OTOA: variants seen among roughly 807,000 people sequenced by gnomAD.
OTOA encodes cancer/testis antigen 108.
OTOA carries 70 observed loss-of-function variants against 110.8 expected under a neutral mutation model. The ratio of observed to expected loss-of-function variants is 0.63; its 90% CI spans 0.52 to 0.77. The LOEUF is 0.77. OTOA is among the 30% of genes least tolerant of loss of function. The probability of loss-of-function intolerance (pLI) is 0.00; values close to 1 mark genes in which losing one functional copy is unlikely to be tolerated. For synonymous variants in OTOA, 373 were observed against 431.5 expected (o/e 0.86, Z 1.68); for missense variants, 917 against 1,075.8 (o/e 0.85, Z 2.06).
rs975051042 is a variant in OTOA at position 21,760,641 on chromosome 16, C to A, written c.*101C>A. 2.4e-5 allele frequency: 26 copies of A among 1,069,870 alleles called. No individual in the cohort carries two copies. In the Admixed American group the frequency reaches 3.7e-4, roughly 15 times the overall value. The allele number at this position is 1,069,870 out of a possible 1,614,324, so 66.3% of individuals were successfully genotyped here. The stretch of plus-strand genomic sequence containing the variant: ...GGGACACCCTTCCCTGGATCCAGAC[C>A]CTCATCTAGGGCAGGGAAACCCTGG... On this transcript the variant is annotated 3_prime_UTR_variant, in exon 29 of 29. Coordinates refer to ENST00000646100, the MANE Select transcript of OTOA (RefSeq NM_144672.4).
At chr16:21,681,702 T>C (rs1391314982) in intron 5 of OTOA, 36 bp from the exon 6 acceptor site, 2 of 1,561,156 alleles carry the variant, frequency 1.3e-6, no homozygotes, top group Admixed American at 1.7e-5. Context: ...GGAGAATCTG[T>C]CATTGTGATC....
chr16:21,726,509 C>G lies in OTOA; in HGVS notation c.1881-14C>G, dbSNP rs202097242. 6 of 1,613,016 alleles carry G rather than the reference C, an allele frequency of 3.7e-6. No individual in the cohort carries two copies. Among genetic ancestry groups the G allele is most frequent in the Non-Finnish European group, 5.1e-6 (6 of 1,179,988 alleles). ...CCATGTGTTCCTCCTCTTGTTCTCC[C>G]CATCTCTCTCCAGGGCCCGCTACCT... On this transcript the variant is annotated splice_polypyrimidine_tract_variant and intron_variant, in intron 18 of 28. Coordinates refer to ENST00000646100, the MANE Select transcript of OTOA (RefSeq NM_144672.4).
At chr16:21,703,760 T>A (rs913041685) in intron 11 of OTOA, among the ~76,000 whole-genome samples, 1 of 152,174 alleles carries the variant, frequency 6.6e-6, no homozygotes, top group Non-Finnish European at 1.5e-5. Context: ...AGGCTGACTG[T>A]GGTCAACTAG....
At chr16:21,729,234 A>G (rs1009415837) in intron 20 of OTOA, among the ~76,000 whole-genome samples, 2 of 151,830 alleles carry the variant, frequency 1.3e-5, no homozygotes, top group Non-Finnish European at 2.9e-5. Context: ...ATGGAATTTC[A>G]CCATGTTGCC....
At chr16:21,673,475 C>T (rs1476822856) in intron 1 of OTOA, among the ~76,000 whole-genome samples, 2 of 152,168 alleles carry the variant, frequency 1.3e-5, no homozygotes, top group East Asian at 3.9e-4. Context: ...CCTTATCTCC[C>T]TCTCCCCATG....
intron 8 of OTOA, among the ~76,000 whole-genome samples, chr16:21,688,460 T>A (rs1216801724): frequency 2.6e-5 from 4 of 151,984 alleles, no homozygotes; most frequent in Non-Finnish European, 5.9e-5. Context: ...GGAAAAAAAG[T>A]GTTACTAAAT....
At chr16:21,680,889 G>A (rs1055218253) in intron 5 of OTOA, among the ~76,000 whole-genome samples, 26 of 151,840 alleles carry the variant, frequency 1.7e-4, no homozygotes, top group Admixed American at 5.3e-4. Context: ...GGCTATTCAT[G>A]GGCATTTACT....
At chr16:21,664,679 T>C (rs1966829436) in intron 1 of OTOA, among the ~76,000 whole-genome samples, 1 of 151,772 alleles carries the variant, frequency 6.6e-6, no homozygotes, top group Non-Finnish European at 1.5e-5. Flanking sequence ...GTGGAAGAAA[T>C]GGAAAAATGC....
intron 17 of OTOA, among the ~76,000 whole-genome samples, chr16:21,720,710 C>T (rs1898702720): frequency 6.6e-6 from 1 of 152,098 alleles, no homozygotes. Flanking sequence ...AAAAGACCTG[C>T]CCAGGTGGGC....
At chr16:21,715,262 G>GCC in intron 14 of OTOA, 110 bp downstream of exon 14, 2 of 1,463,968 alleles carry the variant, frequency 1.4e-6, no homozygotes, top group Non-Finnish European at 1.9e-6. Flanking sequence ...GATTGTCTCA[G>GCC]CTGTTGGTGT....
intron 12 of OTOA, among the ~76,000 whole-genome samples, chr16:21,707,556 C>T (rs1898203174): frequency 7.2e-6 from 1 of 138,090 alleles, no homozygotes; most frequent in Non-Finnish European, 1.6e-5. Context: ...CTCCCTTCCT[C>T]CCTCCCTCCC....
chr16:21,697,936 T>C, intron 10 of OTOA, 61 bp downstream of exon 10: 1 of 1,398,124 alleles, frequency 7.2e-7, no homozygotes, highest in Non-Finnish European at 1.0e-6. Flanking sequence ...TAAGGTGTAT[T>C]CTCAAACTCT....
intron 18 of OTOA, 60 bp from the exon 19 acceptor site, chr16:21,726,463 T>C: frequency 6.2e-7 from 1 of 1,607,760 alleles, no homozygotes; most frequent in Non-Finnish European, 8.5e-7. Context: ...GGACCCTGAT[T>C]TTAGGGGCCA....
intron 11 of OTOA, 173 bp from the exon 12 acceptor site, chr16:21,704,996 T>G: frequency 4.8e-6 from 5 of 1,034,246 alleles, no homozygotes; most frequent in Non-Finnish European, 7.7e-6. Flanking sequence ...GCAGTTAGGT[T>G]CCGCCTGTGG....
intron 13 of OTOA, among the ~76,000 whole-genome samples, chr16:21,714,755 CCCG>C (rs1268256955): frequency 6.6e-6 from 1 of 152,152 alleles, no homozygotes; most frequent in African/African-American, 2.4e-5. Flanking sequence ...AGGTGATCCA[CCCG>C]CCTGGCCTCT....
At chr16:21,758,774 G>A (rs2141769995) in intron 28 of OTOA, among the ~76,000 whole-genome samples, 1 of 151,528 alleles carries the variant, frequency 6.6e-6, no homozygotes, top group East Asian at 1.9e-4. Flanking sequence ...GCCGAGGTGG[G>A]CGGATCACCT....
intron 17 of OTOA, among the ~76,000 whole-genome samples, chr16:21,722,097 C>CA (rs71379629): frequency 0.012 from 1,566 of 127,704 alleles, 10 homozygotes; most frequent in African/African-American, 0.029. Flanking sequence ...ACTAAAAATA[C>CA]AAAAAAAAAA....
intron 22 of OTOA, among the ~76,000 whole-genome samples, chr16:21,736,952 A>G (rs1448450287): frequency 6.6e-6 from 1 of 152,306 alleles, no homozygotes; most frequent in Non-Finnish European, 1.5e-5. Flanking sequence ...GACTTAGAGG[A>G]CCAACATGGA....
At chr16:21,725,829 T>C (rs1448550062) in intron 18 of OTOA, among the ~76,000 whole-genome samples, 4 of 152,156 alleles carry the variant, frequency 2.6e-5, no homozygotes, top group African/African-American at 9.7e-5. Flanking sequence ...AAAGAAATTA[T>C]ACACTGAGGA....
Sources: gnomAD v4.1 joint callset for allele counts (sites outside exome capture counted in the v4.1 genomes callset) on GRCh38, gnomAD v4.1.1 for gene constraint, MANE v1.5 for transcripts, NCBI Gene and HGNC (gene_info 2026-07-23, HGNC 2026-07-21) for gene names.